The following SLC30A9 variants were observed in gnomAD, a reference collection of about 807,000 sequenced individuals.
SLC30A9 encodes the protein proton-coupled zinc antiporter SLC30A9, mitochondrial.
Under a neutral mutation model 87.5 loss-of-function variants are expected in SLC30A9, and 58 were observed. That is an observed-to-expected ratio of 0.66 (90% CI 0.54 to 0.82). The LOEUF (loss-of-function observed/expected upper bound fraction) is 0.82, where lower values mean the gene tolerates loss of function less well. SLC30A9 is among the 40% of genes least tolerant of loss of function. The probability of loss-of-function intolerance (pLI) is 0.00; values close to 1 mark genes in which losing one functional copy is unlikely to be tolerated. For missense variants in SLC30A9, 557 were observed against 679.1 expected, an observed-to-expected ratio of 0.82 and a Z score of 2.00; for synonymous variants, 234 against 233.0, an observed-to-expected ratio of 1.00 and a Z score of -0.04.
At chr4:42,066,986 A>G in intron 13 of SLC30A9, 99 bp from the exon 14 acceptor site, 1 of 727,044 alleles carries the variant, frequency 1.4e-6, no homozygotes, top group South Asian at 1.7e-5. Context: ...ATCTTAACTT[A>G]TATCTTGATT....
rs1038959317 is a variant in SLC30A9, at chr4:42,035,276, G to A, written c.612G>A (p.Arg204=). Residue 204 remains arginine (R), a splice_region_variant and synonymous_variant, in exon 7 of 18, where the codon AGG becomes AGA. Coordinates refer to ENST00000264451, the MANE Select transcript of SLC30A9 (RefSeq NM_006345.4). The part of the protein sequence containing the change: ...RKEAEIEYRE[R]LFRNQKILRE... The stretch of plus-strand genomic sequence containing the variant: ...AAATTTATTTTGTTATTCTTACAGG[G>A]CTATTTAGAAACCAAAAAATATTAA... The A allele has an allele frequency of 7.5e-6, 12 of 1,597,260 alleles. No individual in the cohort carries two copies. Among genetic ancestry groups the A allele is most frequent in the African/African-American group, 1.3e-5 (1 of 74,528 alleles).
At chr4:42,012,961 A>G (rs754251825) in intron 2 of SLC30A9, among the ~76,000 whole-genome samples, 2 of 152,266 alleles carry the variant, frequency 1.3e-5, no homozygotes, top group South Asian at 2.1e-4. Context: ...TGCTAAAACT[A>G]TAATCAACCA....
intron 9 of SLC30A9, among the ~76,000 whole-genome samples, chr4:42,057,363 T>A (rs368497949): frequency 1.5e-3 from 230 of 152,328 alleles, no homozygotes; most frequent in African/African-American, 5.3e-3. Flanking sequence ...CTCTGAAATC[T>A]AGGCAGAGAT....
intron 5 of SLC30A9, 121 bp from the exon 6 acceptor site, chr4:42,023,181 T>G: frequency 1.3e-6 from 1 of 755,906 alleles, no homozygotes; most frequent in Non-Finnish European, 2.3e-6. Flanking sequence ...AAGTCCTTTA[T>G]GTTTCTCCAA....
At position 42,059,110 on chromosome 4, in the gene SLC30A9, G is replaced by GA. The variant is rs548019472; in HGVS notation, c.841-1075dup. On this transcript the variant is annotated intron_variant, in intron 9 of 17. Coordinates refer to ENST00000264451, the MANE Select transcript of SLC30A9 (RefSeq NM_006345.4). The stretch of plus-strand genomic sequence containing the variant: ...TTTCTTTAATCTCTATTTTTTATTA[G>GA]AAAAAATGTGTCTATTAAATTTCTT... Among the ~76,000 whole-genome samples the GA allele has an allele frequency of 5.8e-3, 881 of 151,980 alleles. 4 individuals are homozygous for GA. The highest frequency in any genetic ancestry group is 0.02 in the African/African-American group (839 of 41,456).
At chr4:42,065,479 C>A in intron 12 of SLC30A9, 130 bp downstream of exon 12, 1 of 638,372 alleles carries the variant, frequency 1.6e-6, no homozygotes, top group East Asian at 2.8e-5. Context: ...TAAGCTTTCT[C>A]TACTTTTAGG....
intron 2 of SLC30A9, among the ~76,000 whole-genome samples, chr4:42,006,945 C>T (rs971259879): frequency 6.6e-6 from 1 of 152,010 alleles, no homozygotes; most frequent in Non-Finnish European, 1.5e-5. Flanking sequence ...CTAGTCAGAT[C>T]GGGGTCTTGT....
intron 9 of SLC30A9, among the ~76,000 whole-genome samples, chr4:42,052,279 G>A (rs976518884): frequency 3.3e-5 from 5 of 152,112 alleles, no homozygotes; most frequent in Non-Finnish European, 7.4e-5. Context: ...TAAAGAAATG[G>A]AGAGATACAA....
At chr4:41,997,139 TCTC>T (rs1175843787) in intron 1 of SLC30A9, among the ~76,000 whole-genome samples, 6 of 146,484 alleles carry the variant, frequency 4.1e-5, no homozygotes, top group South Asian at 4.5e-4. Context: ...GTTGTCATCA[TCTC>T]CTATTGTTTC....
At chr4:42,067,333 G>A in intron 14 of SLC30A9, 141 bp downstream of exon 14, 2 of 588,432 alleles carry the variant, frequency 3.4e-6, no homozygotes, top group South Asian at 2.0e-5. Context: ...ATTGACTTAT[G>A]TAAGACATTT....
intron 6 of SLC30A9, among the ~76,000 whole-genome samples, chr4:42,023,780 A>C (rs1227347143): frequency 2.6e-5 from 4 of 152,250 alleles, no homozygotes; most frequent in African/African-American, 9.6e-5. Flanking sequence ...GATTTAACTG[A>C]CTCACAGTTC....
rs1036932131 is a variant in SLC30A9, at chr4:42,033,322, GT to G, written c.611-1943del. 2.5e-3 allele frequency among the ~76,000 whole-genome samples: 359 copies of G among 146,476 alleles called. 1 individual carries two copies. Among genetic ancestry groups the G allele is most frequent in the Admixed American group, 4.0e-3 (59 of 14,572 alleles). On this transcript the variant is annotated intron_variant, in intron 6 of 17. Coordinates refer to ENST00000264451, the MANE Select transcript of SLC30A9 (RefSeq NM_006345.4). ...TAAGTAACTGTTTTAAAGTTTTTGG[GT>G]TTTTTTTTTAATACTTAAAATATAA... is the stretch of plus-strand genomic sequence containing the variant.
At chr4:41,990,931 C>A (rs1477529786) in intron 1 of SLC30A9, among the ~76,000 whole-genome samples, 171 bp downstream of exon 1, 5 of 152,270 alleles carry the variant, frequency 3.3e-5, no homozygotes, top group Non-Finnish European at 7.3e-5. Flanking sequence ...GGGGTCCTGA[C>A]AGGTCTCTGA....
chr4:42,028,524 G>A (rs1219448702), intron 6 of SLC30A9, among the ~76,000 whole-genome samples: 1 of 152,208 alleles, frequency 6.6e-6, no homozygotes, highest in Non-Finnish European at 1.5e-5. Flanking sequence ...AATACATGTG[G>A]AGCAGAAAAA....
Position 42,070,531 on chromosome 4 carries a change from C to T in SLC30A9, c.1258C>T (p.Pro420Ser). ...TTTTTATGTGCTTCATTTAGGCAATCCACTGTATGACAGCCTAGGTTCTTT... is the reference window on the plus strand; with the variant it reads ...TTTTTATGTGCTTCATTTAGGCAATTCACTGTATGACAGCCTAGGTTCTTT... Reference protein sequence around the residue: ...CMGLTSITGNPLYDSLGSLGV... With the variant: ...CMGLTSITGNSLYDSLGSLGV... The change falls in exon 15 of 18, where the codon CCA becomes TCA. Residue 420 changes from proline to serine, a missense_variant. Transcript: ENST00000264451. 2 of 1,609,618 alleles carry T rather than the reference C, an allele frequency of 1.2e-6. No homozygotes were observed. Among genetic ancestry groups the T allele is most frequent in the South Asian group, 2.2e-5 (2 of 90,308 alleles).
chr4:42,002,652 A>G (rs1175660554), intron 2 of SLC30A9, among the ~76,000 whole-genome samples: 1 of 152,148 alleles, frequency 6.6e-6, no homozygotes, highest in Non-Finnish European at 1.5e-5. Flanking sequence ...TATATGTACC[A>G]TATTTACTTT....
chr4:42,023,219 C>A, intron 5 of SLC30A9, 83 bp from the exon 6 acceptor site: 1 of 958,742 alleles, frequency 1.0e-6, no homozygotes, highest in Non-Finnish European at 1.7e-6. Flanking sequence ...TTGTAAGATT[C>A]TCATTAGAGA....
At chr4:42,063,187 C>A in intron 11 of SLC30A9, 66 bp downstream of exon 11, 1 of 1,451,874 alleles carries the variant, frequency 6.9e-7, no homozygotes, top group Non-Finnish European at 9.5e-7. Context: ...CAGTAGAAGG[C>A]CTTTGTCATA....
intron 8 of SLC30A9, among the ~76,000 whole-genome samples, chr4:42,044,657 C>T (rs1346542398): frequency 1.3e-5 from 2 of 152,180 alleles, no homozygotes; most frequent in African/African-American, 2.4e-5. Context: ...GACAGATCAA[C>T]AAGACAGAAA....
Sources: gnomAD v4.1 joint callset for allele counts (sites outside exome capture counted in the v4.1 genomes callset) on GRCh38, gnomAD v4.1.1 for gene constraint, MANE v1.5 for transcripts, NCBI Gene and HGNC (gene_info 2026-07-23, HGNC 2026-07-21) for gene names.